TMIGD3: variants seen among roughly 807,000 people sequenced by gnomAD.
TMIGD3 encodes the protein AD026 protein (AD026).
TMIGD3 carries 21 observed loss-of-function variants against 28.1 expected under a neutral mutation model. The ratio of observed to expected loss-of-function variants is 0.75; its 90% CI spans 0.53 to 1.08. The LOEUF (loss-of-function observed/expected upper bound fraction) is 1.08. Among genes scored for constraint, TMIGD3 ranks in the 50% least tolerant of loss-of-function variants. TMIGD3 has a pLI of 0.00. For missense variants in TMIGD3, 416 were observed against 435.6 expected (o/e 0.96, Z 0.40); for synonymous variants, 151 against 162.1 (o/e 0.93, Z 0.52).
chr1:111,548,680 G>A (rs1657131554), intron 1 of TMIGD3, among the ~76,000 whole-genome samples: 1 of 152,126 alleles, frequency 6.6e-6, no homozygotes, highest in Non-Finnish European at 1.5e-5. Flanking sequence ...AATGGATGTG[G>A]ATGGTCTGCC....
intron 1 of TMIGD3, among the ~76,000 whole-genome samples, chr1:111,509,126 A>G (rs1034100120): frequency 6.6e-6 from 1 of 152,222 alleles, no homozygotes; most frequent in African/African-American, 2.4e-5. Flanking sequence ...CAGCACCAGG[A>G]TGGGAGCCCA....
intron 1 of TMIGD3, among the ~76,000 whole-genome samples, chr1:111,516,559 C>T (rs995309016): frequency 2.0e-5 from 3 of 152,350 alleles, no homozygotes; most frequent in Admixed American, 1.3e-4. Context: ...GACCCTCCTA[C>T]GCCCTCAACA....
intron 1 of TMIGD3, among the ~76,000 whole-genome samples, chr1:111,514,759 A>ACATGGGGTAACATGGGTTAC (rs2100997601): frequency 6.6e-6 from 1 of 152,232 alleles, no homozygotes; most frequent in African/African-American, 2.4e-5. Context: ...CCATGCAGTA[A>ACATGGGGTAACATGGGTTAC]CACAATAATG....
At chr1:111,507,004 C>CACACACACATAT, upstream of TMIGD3, among the ~76,000 whole-genome samples, 2 of 77,726 alleles carry the variant, frequency 2.6e-5, no homozygotes, top group Non-Finnish European at 5.9e-5. Flanking sequence ...TATATACACA[C>CACACACACATAT]ACATATGTGT....
At chr1:111,526,173 C>G (rs551514048) in intron 1 of TMIGD3, among the ~76,000 whole-genome samples, 7 of 152,146 alleles carry the variant, frequency 4.6e-5, no homozygotes, top group Admixed American at 4.6e-4. Context: ...ACCTGTATGT[C>G]CCTCTACCTC....
rs563605462 is a variant in TMIGD3, at chr1:111,525,500, G to A, written c.108-34738C>T. The stretch of plus-strand genomic sequence containing the variant: ...AATAGAACCTCTGCAACTTTCTGTT[G>A]ATGAGTGTTACCATGGTGTATGATT... On this transcript the variant is annotated intron_variant, in intron 1 of 5. Coordinates refer to the TMIGD3 transcript ENST00000369717. 3.9e-5 allele frequency among the ~76,000 whole-genome samples: 6 copies of A among 152,258 alleles called. No homozygotes were observed. In the South Asian group the frequency reaches 1.0e-3, roughly 26 times the overall value.
chr1:111,525,449 C>T (rs1229050738), intron 1 of TMIGD3, among the ~76,000 whole-genome samples: 1 of 152,168 alleles, frequency 6.6e-6, no homozygotes, highest in Non-Finnish European at 1.5e-5. Context: ...ATATTCTTTG[C>T]TCTGAAATCT....
chr1:111,514,631 A>G (rs114788487), intron 1 of TMIGD3, among the ~76,000 whole-genome samples: 5,055 of 111,476 alleles, frequency 0.045, 289 homozygotes, highest in African/African-American at 0.13. Flanking sequence ...ATGAGTGTGC[A>G]TACAGTATGG....
chr1:111,556,446 A>G (rs1657495468), intron 1 of TMIGD3, among the ~76,000 whole-genome samples: 1 of 152,202 alleles, frequency 6.6e-6, no homozygotes, highest in Admixed American at 6.5e-5. Context: ...AGATATTTGT[A>G]CACCCATGTT....
At chr1:111,539,149 G>T (rs1656735801) in intron 1 of TMIGD3, among the ~76,000 whole-genome samples, 1 of 152,066 alleles carries the variant, frequency 6.6e-6, no homozygotes, top group Non-Finnish European at 1.5e-5. Context: ...TTTGTTACTT[G>T]GATATGTTGT....
Position 111,540,435 on chromosome 1 carries a change from C to T in TMIGD3, c.107+23411G>A, listed in dbSNP as rs566485303. Among the ~76,000 whole-genome samples the T allele has an allele frequency of 1.4e-4, 21 of 152,304 alleles. 1 individual carries two copies. The highest frequency in any genetic ancestry group is 3.4e-3 in the Middle Eastern group (1 of 294). On this transcript the variant is annotated intron_variant, in intron 1 of 5. Coordinates refer to the TMIGD3 transcript ENST00000369717. Reference sequence around the variant, plus strand: ...CCTTCAGCTTTTCTAACTCTTGAGCCGGGGAGTATTTAGCTCCAAGACAAA... The same window carrying T: ...CCTTCAGCTTTTCTAACTCTTGAGCTGGGGAGTATTTAGCTCCAAGACAAA...
At chr1:111,507,665 A>G (rs1655556231), upstream of TMIGD3, among the ~76,000 whole-genome samples, 1 of 152,210 alleles carries the variant, frequency 6.6e-6, no homozygotes. Context: ...GATGTCAGGC[A>G]GGCGAAAGGT....
At chr1:111,561,438 G>C (rs550593493) in intron 1 of TMIGD3, among the ~76,000 whole-genome samples, 7 of 152,284 alleles carry the variant, frequency 4.6e-5, no homozygotes, top group African/African-American at 1.7e-4. Context: ...ATTAATTTTA[G>C]ATGGAGGATC....
chr1:111,556,043 A>C (rs961735880), intron 1 of TMIGD3, among the ~76,000 whole-genome samples: 2 of 152,346 alleles, frequency 1.3e-5, no homozygotes, highest in South Asian at 4.1e-4. Flanking sequence ...TATAAAACGC[A>C]CAAGAAACTC....
At chr1:111,484,508 C>G (rs2800898) in intron 5 of TMIGD3, among the ~76,000 whole-genome samples, 38,754 of 152,114 alleles carry the variant, frequency 0.25, 5,090 homozygotes, top group East Asian at 0.41. Context: ...CCTGAGAAAG[C>G]CATTGTCTTG....
At chr1:111,556,602 A>T (rs933403426) in intron 1 of TMIGD3, among the ~76,000 whole-genome samples, 2 of 152,232 alleles carry the variant, frequency 1.3e-5, no homozygotes, top group African/African-American at 4.8e-5. Context: ...ACAAGCTACG[A>T]CATGGATGAA....
intron 1 of TMIGD3, among the ~76,000 whole-genome samples, chr1:111,537,404 C>T (rs935766145): frequency 3.3e-5 from 5 of 152,322 alleles, no homozygotes; most frequent in Non-Finnish European, 4.4e-5. Flanking sequence ...GAGCTCTCCA[C>T]GGTGTTCAGT....
At chr1:111,504,416 C>T (rs1381081649), upstream of TMIGD3, among the ~76,000 whole-genome samples, 2 of 152,230 alleles carry the variant, frequency 1.3e-5, no homozygotes, top group African/African-American at 2.4e-5. Context: ...CAGGAACAGG[C>T]GACTGTCTGG....
chr1:111,553,481 A>T (rs74112329), intron 1 of TMIGD3, among the ~76,000 whole-genome samples: 4,121 of 152,318 alleles, frequency 0.027, 175 homozygotes, highest in African/African-American at 0.093. Flanking sequence ...CAACAGGATA[A>T]CTTTTTAGCT....
Sources: allele counts gnomAD v4.1 joint callset (sites outside exome capture counted in the v4.1 genomes callset), GRCh38; gene constraint gnomAD v4.1.1; transcripts MANE v1.5; gene names NCBI Gene and HGNC (gene_info 2026-07-23, HGNC 2026-07-21).